Variants in SEMA3E observed in about 807,000 individuals in gnomAD.
The protein encoded by SEMA3E is semaphorin-3E.
A neutral mutation model predicts 93.6 loss-of-function variants in SEMA3E; 49 were observed. The observed-to-expected ratio is 0.52, with a 90% CI of 0.42 to 0.66. The LOEUF (loss-of-function observed/expected upper bound fraction) is 0.66. Among genes scored for constraint, SEMA3E ranks in the 30% least tolerant of loss-of-function variants. The pLI, the probability that SEMA3E is intolerant of heterozygous loss-of-function variation, is 0.00. For missense variants in SEMA3E, 906 were observed against 964.8 expected, an observed-to-expected ratio of 0.94 and a Z score of 0.81; for synonymous variants, 363 against 330.7, an observed-to-expected ratio of 1.10 and a Z score of -1.06.
At chr7:83,482,497 G>A (rs753881528) in intron 2 of SEMA3E, among the ~76,000 whole-genome samples, 17 of 149,522 alleles carry the variant, frequency 1.1e-4, no homozygotes, top group Non-Finnish European at 2.4e-4. Context: ...CCCAGGAGGC[G>A]GAGCTTGTAG....
At position 83,364,088 on chromosome 7, in the gene SEMA3E, G is replaced by A. The variant is rs1794629464; in HGVS notation, c.*3498C>T. On this transcript the variant is annotated 3_prime_UTR_variant, in exon 17 of 17. Coordinates refer to ENST00000643230, the MANE Select transcript of SEMA3E (RefSeq NM_012431.3). Reference sequence around the variant, plus strand: ...TTTTTGTATTTTTAGTAGAGACGGGGTTTCACCTTGTTAGCCAGGATGGTC... The same window carrying A: ...TTTTTGTATTTTTAGTAGAGACGGGATTTCACCTTGTTAGCCAGGATGGTC... The A allele has an allele frequency of 6.7e-6, 1 of 150,184 alleles. No individual in the cohort carries two copies. The highest frequency in any genetic ancestry group is 2.1e-4 in the South Asian group (1 of 4,750). 9.3% of individuals were successfully genotyped at this position (150,184 alleles called of 1,614,324 possible). A position where few individuals can be genotyped will look rare whatever the true frequency, so the allele number is the denominator to read the frequency against.
chr7:83,631,662 T>G (rs963776025), intron 1 of SEMA3E, among the ~76,000 whole-genome samples: 2 of 152,214 alleles, frequency 1.3e-5, no homozygotes, highest in Non-Finnish European at 2.9e-5. Flanking sequence ...ACACTGTTAC[T>G]ACACATATGA....
chr7:83,507,305 T>C (rs571119540), intron 1 of SEMA3E, among the ~76,000 whole-genome samples: 1 of 152,224 alleles, frequency 6.6e-6, no homozygotes, highest in East Asian at 1.9e-4. Context: ...CCTCCACCAC[T>C]GGAAGGGAGC....
At chr7:83,452,110 T>A (rs765433417) in intron 4 of SEMA3E, among the ~76,000 whole-genome samples, 1 of 143,718 alleles carries the variant, frequency 7.0e-6, no homozygotes, top group Non-Finnish European at 1.5e-5. Context: ...TAGAATTATA[T>A]CCATATGTGT....
intron 1 of SEMA3E, among the ~76,000 whole-genome samples, chr7:83,562,334 G>T (rs1462702854): frequency 6.6e-6 from 1 of 151,946 alleles, no homozygotes; most frequent in Non-Finnish European, 1.5e-5. Context: ...AACTGCATTT[G>T]TATAATGTAA....
At chr7:83,622,879 T>C (rs1321545925) in intron 1 of SEMA3E, among the ~76,000 whole-genome samples, 3 of 151,514 alleles carry the variant, frequency 2.0e-5, no homozygotes, top group East Asian at 1.9e-4. Flanking sequence ...TAATGGGTGC[T>C]GGGCTTAATA....
chr7:83,608,576 T>C (rs1054342030), intron 1 of SEMA3E, among the ~76,000 whole-genome samples: 6 of 152,164 alleles, frequency 3.9e-5, no homozygotes, highest in African/African-American at 1.4e-4. Flanking sequence ...CAGTTCATCA[T>C]AAACAACCCC....
At chr7:83,498,969 T>C (rs575031035) in intron 1 of SEMA3E, among the ~76,000 whole-genome samples, 1 of 152,312 alleles carries the variant, frequency 6.6e-6, no homozygotes, top group African/African-American at 2.4e-5. Flanking sequence ...AAATTAGATG[T>C]ATAAATCTTT....
At position 83,508,173 on chromosome 7, in the gene SEMA3E, C is replaced by T. The variant is rs569008557; in HGVS notation, c.116-17899G>A. On this transcript the variant is annotated intron_variant, in intron 1 of 16. Coordinates refer to ENST00000643230, the MANE Select transcript of SEMA3E (RefSeq NM_012431.3). Reference sequence around the variant, plus strand: ...ATTATTATACCTGAATTGTTAAATGCCTTCAAACTGCTAAAATCTTTTTAG... The same window carrying T: ...ATTATTATACCTGAATTGTTAAATGTCTTCAAACTGCTAAAATCTTTTTAG... Among the ~76,000 whole-genome samples, 16 of 152,054 alleles carry T rather than the reference C, an allele frequency of 1.1e-4. 1 individual carries two copies. The South Asian group carries it at 2.9e-3, about 28-fold the overall frequency.
intron 1 of SEMA3E, among the ~76,000 whole-genome samples, chr7:83,515,899 T>C (rs1584302223): frequency 6.6e-6 from 1 of 152,034 alleles, no homozygotes; most frequent in South Asian, 2.1e-4. Flanking sequence ...TGGTGGCGGG[T>C]GCCTGTAGTC....
chr7:83,510,497 T>C (rs1324776368), intron 1 of SEMA3E, among the ~76,000 whole-genome samples: 1 of 152,166 alleles, frequency 6.6e-6, no homozygotes, highest in Non-Finnish European at 1.5e-5. Flanking sequence ...AGTAGATATA[T>C]ACTAATATAG....
chr7:83,592,565 A>G (rs1792776082), intron 1 of SEMA3E, among the ~76,000 whole-genome samples: 1 of 152,342 alleles, frequency 6.6e-6, no homozygotes, highest in Non-Finnish European at 1.5e-5. Context: ...GAAATTATCA[A>G]TATTTGATGA....
rs143701381 is a variant in SEMA3E at position 83,385,428 on chromosome 7, C to T, written c.1741G>A (p.Ala581Thr). The T allele has an allele frequency of 6.2e-7, 1 of 1,613,290 alleles. No individual in the cohort carries two copies. The highest frequency in any genetic ancestry group is 8.5e-7 in the Non-Finnish European group (1 of 1,179,444). Reference sequence around the variant, plus strand: ...AGATGTTCTTCAGTCTTATCCAAAGCATCCCCTACAACAGGAACATTAATG... The same window carrying T: ...AGATGTTCTTCAGTCTTATCCAAAGTATCCCCTACAACAGGAACATTAATG... Reference protein sequence around the residue: ...QCFGQQFVGDALDKTEEHLAY... With the variant: ...QCFGQQFVGDTLDKTEEHLAY... Residue 581 changes from alanine to threonine, a missense_variant, in exon 16 of 17, where the codon GCT becomes ACT. Physicochemically the swap from Ala to Thr is moderately conservative, Grantham distance 58. Coordinates refer to ENST00000643230, the MANE Select transcript of SEMA3E (RefSeq NM_012431.3).
intron 16 of SEMA3E, among the ~76,000 whole-genome samples, chr7:83,382,657 A>C (rs1007088992): frequency 6.6e-6 from 1 of 151,440 alleles, no homozygotes; most frequent in Non-Finnish European, 1.5e-5. Flanking sequence ...TATAATTCTT[A>C]ATAACTTATT....
intron 1 of SEMA3E, among the ~76,000 whole-genome samples, chr7:83,593,282 CTCTGTGTG>C (rs1381804013): frequency 1.8e-4 from 19 of 107,430 alleles, no homozygotes; most frequent in African/African-American, 7.7e-4. Flanking sequence ...CTCTCTCTCT[CTCTGTGTG>C]TGTGTGTGTG....
intron 1 of SEMA3E, among the ~76,000 whole-genome samples, chr7:83,543,541 G>A (rs529030973): frequency 6.6e-6 from 1 of 151,976 alleles, no homozygotes; most frequent in Non-Finnish European, 1.5e-5. Context: ...CTTTTGTAAT[G>A]GGAAGTTTGT....
chr7:83,573,179 A>G (rs1371344723), intron 1 of SEMA3E, among the ~76,000 whole-genome samples: 1 of 152,188 alleles, frequency 6.6e-6, no homozygotes, highest in Admixed American at 6.5e-5. Flanking sequence ...CAGAATCTAT[A>G]AGGAACTTAA....
chr7:83,575,807 T>A (rs753818171), intron 1 of SEMA3E, among the ~76,000 whole-genome samples: 86 of 152,328 alleles, frequency 5.6e-4, no homozygotes, highest in African/African-American at 2.0e-3. Context: ...AAATACCAAT[T>A]CATAACTCCT....
At position 83,367,857 on chromosome 7, in the gene SEMA3E, T is replaced by A. The variant is rs371910815; in HGVS notation, c.2057A>T (p.Asp686Val). Residue 686 changes from aspartate to valine, a missense_variant, in exon 17 of 17, where the codon GAT becomes GTT. Asp to Val is a radical substitution (Grantham distance 152). Coordinates refer to ENST00000643230, the MANE Select transcript of SEMA3E (RefSeq NM_012431.3). ...EKVEDMFNKD[D>V]EEDRHHRMPC... Reference sequence around the variant, plus strand: ...CATCCTGTGATGCCTGTCCTCCTCATCGTCCTTGTTAAACATATCCTCGAC... The same window carrying A: ...CATCCTGTGATGCCTGTCCTCCTCAACGTCCTTGTTAAACATATCCTCGAC... The A allele has an allele frequency of 1.2e-5, 20 of 1,612,956 alleles. No homozygotes were observed. The highest frequency in any genetic ancestry group is 1.7e-5 in the Non-Finnish European group (20 of 1,179,184).
Sources: gnomAD v4.1 joint callset for allele counts (sites outside exome capture counted in the v4.1 genomes callset) on GRCh38, gnomAD v4.1.1 for gene constraint, MANE v1.5 for transcripts, NCBI Gene and HGNC (gene_info 2026-07-23, HGNC 2026-07-21) for gene names.